Variants in RBFOX1 observed in about 807,000 individuals in gnomAD.
The protein encoded by RBFOX1 is RNA binding fox-1 homolog 1.
Under a neutral mutation model 57.7 loss-of-function variants are expected in RBFOX1, and 8 were observed. That is an observed-to-expected ratio of 0.14 (90% confidence interval 0.08 to 0.25). RBFOX1 has a LOEUF of 0.25. Among genes scored for constraint, RBFOX1 ranks in the 10% least tolerant of loss-of-function variants. The pLI, the probability that RBFOX1 is intolerant of heterozygous loss-of-function variation, is 1.00. For missense variants in RBFOX1, 611 were observed against 548.5 expected (o/e 1.11, Z -1.14); for synonymous variants, 326 against 222.4 (o/e 1.47, Z -4.15).
intron 4 of RBFOX1, among the ~76,000 whole-genome samples, chr16:7,388,657 T>C (rs2148335929): frequency 6.7e-6 from 1 of 149,622 alleles, no homozygotes; most frequent in East Asian, 2.0e-4. Context: ...TTTTTTTTTT[T>C]TTTTTTTTTT....
chr16:5,301,216 A>G (rs999086866), intron 1 of RBFOX1, among the ~76,000 whole-genome samples: 5 of 152,154 alleles, frequency 3.3e-5, no homozygotes, highest in East Asian at 1.9e-4. Flanking sequence ...GCCAGCTACC[A>G]CCATGGAGAG....
At chr16:6,806,840 T>TATATATATATATA (rs1351406747) in intron 3 of RBFOX1, among the ~76,000 whole-genome samples, 30 of 49,138 alleles carry the variant, frequency 6.1e-4, no homozygotes, top group African/African-American at 2.3e-3. Flanking sequence ...ATATATATTT[T>TATATATATATATA]TTTTTTTTTT....
chr16:5,420,072 G>C (rs1217669141), intron 1 of RBFOX1, among the ~76,000 whole-genome samples: 1 of 152,170 alleles, frequency 6.6e-6, no homozygotes, highest in Non-Finnish European at 1.5e-5. Context: ...AGAACTGTGA[G>C]AGAGCAGACG....
intron 4 of RBFOX1, among the ~76,000 whole-genome samples, chr16:7,410,720 C>A (rs1242252323): frequency 6.6e-6 from 1 of 152,078 alleles, no homozygotes; most frequent in Non-Finnish European, 1.5e-5. Context: ...GAGGTCTCTT[C>A]TGTTAACCCC....
chr16:5,566,577 T>C (rs900113328), intron 2 of RBFOX1, among the ~76,000 whole-genome samples: 1 of 151,528 alleles, frequency 6.6e-6, no homozygotes. Flanking sequence ...GTTATATATA[T>C]ATATATGTAT....
intron 3 of RBFOX1, among the ~76,000 whole-genome samples, chr16:5,698,960 T>C (rs1396990495): frequency 6.6e-6 from 1 of 151,196 alleles, no homozygotes; most frequent in Non-Finnish European, 1.5e-5. Context: ...TAGATATCTC[T>C]CTTATAAACA....
intron 5 of RBFOX1, among the ~76,000 whole-genome samples, chr16:7,577,657 GGAGGCA>G (rs1306023770): frequency 3.9e-5 from 6 of 151,936 alleles, no homozygotes; most frequent in Admixed American, 1.3e-4. Flanking sequence ...CAGTGCTTTG[GGAGGCA>G]GAGGCAGAGG....
chr16:6,699,291 C>A (rs1269222298), intron 3 of RBFOX1, among the ~76,000 whole-genome samples: 4 of 149,574 alleles, frequency 2.7e-5, no homozygotes, highest in South Asian at 2.2e-4. Flanking sequence ...GTTATCCTCC[C>A]TATGTTACTT....
intron 3 of RBFOX1, among the ~76,000 whole-genome samples, chr16:5,678,418 T>C (rs1413485549): frequency 6.6e-6 from 1 of 152,216 alleles, no homozygotes; most frequent in African/African-American, 2.4e-5. Flanking sequence ...CCAGTTTCTA[T>C]TGTTCTTAAA....
intron 3 of RBFOX1, among the ~76,000 whole-genome samples, chr16:5,861,194 T>G (rs1329827846): frequency 6.6e-6 from 1 of 152,164 alleles, no homozygotes; most frequent in Non-Finnish European, 1.5e-5. Context: ...AAAGTAGTGC[T>G]TCAGTGGGGA....
intron 3 of RBFOX1, among the ~76,000 whole-genome samples, chr16:5,724,080 A>G (rs985338681): frequency 6.6e-6 from 1 of 152,146 alleles, no homozygotes; most frequent in Admixed American, 6.5e-5. Flanking sequence ...TCACCACTTG[A>G]ATGCTTCTCA....
chr16:6,898,836 T>C (rs1391380436), intron 3 of RBFOX1, among the ~76,000 whole-genome samples: 2 of 151,742 alleles, frequency 1.3e-5, no homozygotes, highest in Non-Finnish European at 2.9e-5. Flanking sequence ...TGTGTGTATG[T>C]GTGTGCATGT....
intron 4 of RBFOX1, among the ~76,000 whole-genome samples, chr16:7,391,450 C>T (rs1354136667): frequency 6.6e-6 from 1 of 152,178 alleles, no homozygotes; most frequent in African/African-American, 2.4e-5. Flanking sequence ...ATGATTTTCT[C>T]CACATCTGGA....
chr16:7,700,524 C>A (rs1253922271), intron 14 of RBFOX1, among the ~76,000 whole-genome samples: 1 of 152,228 alleles, frequency 6.6e-6, no homozygotes, highest in Middle Eastern at 3.4e-3. Flanking sequence ...TGTTTTTCCT[C>A]CTATGGGGTA....
At chr16:7,336,611 A>G (rs1027250461) in intron 4 of RBFOX1, among the ~76,000 whole-genome samples, 7 of 152,256 alleles carry the variant, frequency 4.6e-5, no homozygotes, top group South Asian at 2.1e-4. Context: ...AACCCCAACT[A>G]TAAGACTATA....
chr16:6,623,510 T>C lies in RBFOX1; in HGVS notation c.-63-31093T>C, dbSNP rs187517889. Among the ~76,000 whole-genome samples the C allele has an allele frequency of 6.6e-5, 10 of 152,088 alleles. No homozygotes were observed. The East Asian group carries it at 1.9e-3, about 29-fold the overall frequency. On this transcript the variant is annotated intron_variant, in intron 2 of 15. Transcript: ENST00000550418. ...GCACAATGTGCAGGTTAGTTACATA[T>C]GCATACGTTTGCCATGTTGGTGTGC...
intron 3 of RBFOX1, among the ~76,000 whole-genome samples, chr16:6,942,659 G>T (rs2078756774): frequency 6.6e-6 from 1 of 152,136 alleles, no homozygotes; most frequent in South Asian, 2.1e-4. Context: ...ACAGCGAGAA[G>T]GATAAGATGG....
In RBFOX1 at chr16:7,567,781, A is replaced by C. The variant is rs886661937; in HGVS notation, c.271-11996A>C. Reference sequence around the variant, plus strand: ...ACCCTATATATATCCCTCTCTATATATATCCATATGTATACCTATATATAT... The same window carrying C: ...ACCCTATATATATCCCTCTCTATATCTATCCATATGTATACCTATATATAT... On this transcript the variant is annotated intron_variant, in intron 5 of 15. Coordinates refer to ENST00000550418, the MANE Select transcript of RBFOX1 (RefSeq NM_018723.4). Among the ~76,000 whole-genome samples, 45 of 148,216 alleles carry C rather than the reference A, an allele frequency of 3.0e-4. 1 individual carries two copies. In the South Asian group the frequency reaches 9.2e-3, roughly 30 times the overall value.
At chr16:7,332,660 G>A (rs2096713666) in intron 4 of RBFOX1, 4 of 626,972 alleles carry the variant, frequency 6.4e-6, no homozygotes, top group Admixed American at 9.2e-5. Flanking sequence ...TGGTCTCTTG[G>A]TCTCTCTCTC....
Sources: allele counts gnomAD v4.1 joint callset (sites outside exome capture counted in the v4.1 genomes callset), GRCh38; gene constraint gnomAD v4.1.1; transcripts MANE v1.5; gene names NCBI Gene and HGNC (gene_info 2026-07-23, HGNC 2026-07-21).